FAM53B: variants seen among roughly 807,000 people sequenced by gnomAD.
FAM53B encodes the protein family with sequence similarity 53 member B, also known as protein FAM53B.
FAM53B carries 12 observed loss-of-function variants against 32.7 expected under a neutral mutation model. That is an observed-to-expected ratio of 0.37 (90% CI 0.24 to 0.59). The LOEUF (loss-of-function observed/expected upper bound fraction) is 0.59. FAM53B is among the 20% of genes least tolerant of loss of function. The probability of loss-of-function intolerance (pLI) is 0.72; values close to 1 mark genes in which losing one functional copy is unlikely to be tolerated. For synonymous variants in FAM53B, 234 were observed against 228.7 expected (o/e 1.02, Z -0.21); for missense variants, 477 against 577.7 (o/e 0.83, Z 1.79).
chr10:124,738,909 C>T (rs989726227), intron 1 of FAM53B, among the ~76,000 whole-genome samples: 7 of 152,086 alleles, frequency 4.6e-5, no homozygotes, highest in African/African-American at 1.7e-4. Flanking sequence ...CTGTTTCCCC[C>T]AGAAGGTCAC....
intron 4 of FAM53B, among the ~76,000 whole-genome samples, chr10:124,654,872 A>C (rs1949578046): frequency 6.6e-6 from 1 of 152,172 alleles, no homozygotes; most frequent in Non-Finnish European, 1.5e-5. Flanking sequence ...GTCTGGTCTA[A>C]GGAGCTCCAT....
intron 1 of FAM53B, among the ~76,000 whole-genome samples, chr10:124,718,828 G>A (rs1305898543): frequency 6.6e-6 from 1 of 152,208 alleles, no homozygotes; most frequent in East Asian, 1.9e-4. Context: ...CAGGTGAAAT[G>A]CTTGAGCCCA....
At chr10:124,669,930 AGGGTGGGTGAGGATTACAG>A (rs1421952039) in intron 4 of FAM53B, among the ~76,000 whole-genome samples, 1 of 7,714 alleles carries the variant, frequency 1.3e-4, no homozygotes, top group Non-Finnish European at 5.1e-4. Context: ...TGAGGATTAC[AGGGTGGGTGAGGATTACAG>A]GGTGGGTGAG....
At chr10:124,688,885 A>G (rs1458311955) in intron 3 of FAM53B, among the ~76,000 whole-genome samples, 2 of 152,206 alleles carry the variant, frequency 1.3e-5, no homozygotes, top group Non-Finnish European at 2.9e-5. Flanking sequence ...TTTTCAAAAG[A>G]TAGAGGAGCT....
At chr10:124,637,275 T>G (rs1443970669) in intron 4 of FAM53B, among the ~76,000 whole-genome samples, 1 of 152,154 alleles carries the variant, frequency 6.6e-6, no homozygotes, top group Admixed American at 6.5e-5. Flanking sequence ...AGACATGCCA[T>G]GAGGCAGCGC....
At chr10:124,669,987 C>T (rs1667888373) in intron 4 of FAM53B, among the ~76,000 whole-genome samples, 1 of 151,476 alleles carries the variant, frequency 6.6e-6, no homozygotes, top group African/African-American at 2.4e-5. Context: ...GGACCACACA[C>T]CCGAGGGAGG....
At chr10:124,661,135 G>A (rs1949629062) in intron 4 of FAM53B, among the ~76,000 whole-genome samples, 1 of 151,546 alleles carries the variant, frequency 6.6e-6, no homozygotes, top group Non-Finnish European at 1.5e-5. Context: ...TCTCTGAGGT[G>A]ACAGCTGTCA....
intron 4 of FAM53B, among the ~76,000 whole-genome samples, chr10:124,629,783 G>GA (rs959171059): frequency 3.3e-5 from 5 of 152,088 alleles, no homozygotes; most frequent in African/African-American, 9.7e-5. Flanking sequence ...TTTCAGAAAA[G>GA]AAAAAAAGGC....
At chr10:124,668,658 C>T (rs1476040935) in intron 4 of FAM53B, among the ~76,000 whole-genome samples, 1 of 152,208 alleles carries the variant, frequency 6.6e-6, no homozygotes, top group Non-Finnish European at 1.5e-5. Context: ...TCTCATCTTC[C>T]TAGGGAGGCA....
At chr10:124,671,094 G>GCAGC (rs1328205589) in intron 4 of FAM53B, 1 of 441,886 alleles carries the variant, frequency 2.3e-6, no homozygotes, top group Non-Finnish European at 4.7e-6. Flanking sequence ...GGGGACAGAG[G>GCAGC]CAGCCGTACA....
intron 4 of FAM53B, among the ~76,000 whole-genome samples, chr10:124,634,308 G>C (rs1202026730): frequency 6.6e-6 from 1 of 152,202 alleles, no homozygotes; most frequent in Non-Finnish European, 1.5e-5. Context: ...GACGCAAAAG[G>C]CCACATATTT....
At chr10:124,638,684 C>T (rs1455293935) in intron 4 of FAM53B, among the ~76,000 whole-genome samples, 1 of 152,230 alleles carries the variant, frequency 6.6e-6, no homozygotes, top group Non-Finnish European at 1.5e-5. Flanking sequence ...GCAGAGACCC[C>T]AGGCATGCTG....
chr10:124,715,468 T>C (rs1430957943), intron 1 of FAM53B, among the ~76,000 whole-genome samples: 1 of 152,208 alleles, frequency 6.6e-6, no homozygotes, highest in Non-Finnish European at 1.5e-5. Context: ...CATCTGTCCC[T>C]ATCTCCTCAG....
chr10:124,688,484 G>A (rs1949815381), intron 3 of FAM53B, among the ~76,000 whole-genome samples: 2 of 152,238 alleles, frequency 1.3e-5, no homozygotes, highest in Admixed American at 1.3e-4. Context: ...ATGGGAGGGT[G>A]AACACACAAG....
chr10:124,721,721 A>C (rs1950069760), intron 1 of FAM53B, among the ~76,000 whole-genome samples: 1 of 152,174 alleles, frequency 6.6e-6, no homozygotes, highest in South Asian at 2.1e-4. Context: ...CGTAAAACAT[A>C]ACCTGCCTGT....
intron 4 of FAM53B, among the ~76,000 whole-genome samples, chr10:124,654,167 G>C (rs2134052291): frequency 6.6e-6 from 1 of 152,378 alleles, no homozygotes; most frequent in Admixed American, 6.5e-5. Flanking sequence ...GAAATAATTA[G>C]GAAGCATTGT....
chr10:124,669,209 G>A (rs1042577611), intron 4 of FAM53B, among the ~76,000 whole-genome samples: 7 of 152,244 alleles, frequency 4.6e-5, no homozygotes, highest in African/African-American at 1.7e-4. Flanking sequence ...CATTCTGGAT[G>A]TGTCCACTTG....
intron 2 of FAM53B, among the ~76,000 whole-genome samples, chr10:124,703,384 G>A (rs1183871517): frequency 6.6e-6 from 1 of 152,200 alleles, no homozygotes; most frequent in African/African-American, 2.4e-5. Flanking sequence ...AGAACCATAA[G>A]CCAAGTAAAT....
intron 2 of FAM53B, among the ~76,000 whole-genome samples, chr10:124,702,106 C>T (rs144789519): frequency 6.6e-6 from 1 of 152,158 alleles, no homozygotes; most frequent in Non-Finnish European, 1.5e-5. Context: ...GTGACTAAGG[C>T]CTGACTCTGG....
Sources: gnomAD v4.1 joint callset for allele counts (sites outside exome capture counted in the v4.1 genomes callset) on GRCh38, gnomAD v4.1.1 for gene constraint, MANE v1.5 for transcripts, NCBI Gene and HGNC (gene_info 2026-07-23, HGNC 2026-07-21) for gene names.